Variants in RGS7 observed in about 807,000 individuals in gnomAD.
RGS7 encodes regulator of G protein signaling 7.
Under a neutral mutation model 81.1 loss-of-function variants are expected in RGS7, and 27 were observed. That is an observed-to-expected ratio of 0.33 (90% CI 0.25 to 0.46). The LOEUF (loss-of-function observed/expected upper bound fraction) is 0.46. RGS7 is among the 20% of genes least tolerant of loss of function. The pLI, the probability that RGS7 is intolerant of heterozygous loss-of-function variation, is 1.00. For synonymous variants in RGS7, 208 were observed against 207.7 expected (o/e 1.00, Z -0.01); for missense variants, 396 against 607.4 (o/e 0.65, Z 3.66).
At chr1:240,795,179 T>C (rs61832399) in intron 18 of RGS7, among the ~76,000 whole-genome samples, 104,552 of 151,858 alleles carry the variant, frequency 0.69, 36,263 homozygotes, top group African/African-American at 0.72. Flanking sequence ...AGCAAAACTC[T>C]GTCTCAAACA....
intron 2 of RGS7, among the ~76,000 whole-genome samples, chr1:241,246,238 T>C (rs533861239): frequency 1.3e-4 from 20 of 152,190 alleles, no homozygotes; most frequent in African/African-American, 4.6e-4. Context: ...AGGAAAGGTA[T>C]GTAGGCCACA....
chr1:241,173,064 A>T (rs1572984184), intron 2 of RGS7, among the ~76,000 whole-genome samples: 1 of 152,272 alleles, frequency 6.6e-6, no homozygotes, highest in Non-Finnish European at 1.5e-5. Context: ...TTTCCAAATT[A>T]TTTTCCTTGT....
intron 2 of RGS7, among the ~76,000 whole-genome samples, chr1:241,172,965 G>C (rs981426812): frequency 6.6e-6 from 1 of 152,162 alleles, no homozygotes; most frequent in Non-Finnish European, 1.5e-5. Context: ...CGAGGAATTT[G>C]CTTGGCATAA....
intron 4 of RGS7, among the ~76,000 whole-genome samples, chr1:240,944,274 GTGTGTGTGTA>G (rs1229600485): frequency 3.6e-3 from 68 of 18,776 alleles, no homozygotes; most frequent in African/African-American, 8.3e-3. Flanking sequence ...GTGTGTGTGT[GTGTGTGTGTA>G]TATATATATA....
intron 2 of RGS7, among the ~76,000 whole-genome samples, chr1:241,205,327 G>C (rs1007095728): frequency 6.7e-6 from 1 of 149,166 alleles, no homozygotes; most frequent in Non-Finnish European, 1.5e-5. Context: ...TGATCCACCC[G>C]CCTCGGCCTC....
chr1:240,974,032 C>T (rs1683689841), intron 4 of RGS7, among the ~76,000 whole-genome samples: 1 of 152,162 alleles, frequency 6.6e-6, no homozygotes, highest in South Asian at 2.1e-4. Context: ...CTTTCTTCTT[C>T]AGAAGACTTG....
intron 2 of RGS7, among the ~76,000 whole-genome samples, chr1:241,145,118 G>A (rs895431868): frequency 1.3e-4 from 19 of 151,886 alleles, no homozygotes; most frequent in Middle Eastern, 3.4e-3. Context: ...CTCAGTTCAA[G>A]CGATTCTCCT....
At chr1:241,172,571 A>G (rs1004702191) in intron 2 of RGS7, among the ~76,000 whole-genome samples, 5 of 152,168 alleles carry the variant, frequency 3.3e-5, no homozygotes, top group African/African-American at 4.8e-5. Context: ...TTGGCCTCAC[A>G]TTAGAAAGAA....
intron 3 of RGS7, among the ~76,000 whole-genome samples, chr1:241,011,597 T>G (rs1375703456): frequency 6.6e-6 from 1 of 152,144 alleles, no homozygotes; most frequent in Non-Finnish European, 1.5e-5. Flanking sequence ...AAAATGAGGC[T>G]GGGACTTGTT....
chr1:241,305,289 T>C (rs1020442150), intron 2 of RGS7, among the ~76,000 whole-genome samples: 4 of 152,238 alleles, frequency 2.6e-5, no homozygotes, highest in Admixed American at 2.0e-4. Flanking sequence ...ACACAAATTC[T>C]GAACTCCACA....
intron 2 of RGS7, among the ~76,000 whole-genome samples, chr1:241,284,856 TTTG>T (rs1439908734): frequency 1.7e-4 from 23 of 133,588 alleles, no homozygotes; most frequent in African/African-American, 6.4e-4. Flanking sequence ...TCTGTCTTTC[TTTG>T]TTTTTTTTTG....
intron 2 of RGS7, among the ~76,000 whole-genome samples, chr1:241,168,779 C>T (rs1350076869): frequency 2.6e-5 from 4 of 151,692 alleles, no homozygotes; most frequent in South Asian, 2.1e-4. Flanking sequence ...ATAGAGAGAG[C>T]GAGAGAGAGA....
intron 2 of RGS7, among the ~76,000 whole-genome samples, chr1:241,235,909 T>TGAGAGAGAGAGAGAGAGAGAGAGAGA: frequency 7.3e-6 from 1 of 137,902 alleles, no homozygotes; most frequent in Non-Finnish European, 1.6e-5. Flanking sequence ...AGATGCACTT[T>TGAGAGAGAGAGAGAGAGAGAGAGAGA]GAGAGAGAGA....
chr1:241,181,252 G>C, intron 2 of RGS7, among the ~76,000 whole-genome samples: 1 of 152,196 alleles, frequency 6.6e-6, no homozygotes, highest in Admixed American at 6.5e-5. Context: ...ATTGAAAAAA[G>C]TGTACCTCTC....
chr1:240,874,812 G>C (rs915961541), intron 6 of RGS7, among the ~76,000 whole-genome samples: 9 of 152,050 alleles, frequency 5.9e-5, no homozygotes, highest in African/African-American at 2.2e-4. Context: ...AGGCTGAGGT[G>C]GGCAGATCAC....
intron 2 of RGS7, among the ~76,000 whole-genome samples, chr1:241,135,051 A>T (rs1238760700): frequency 6.6e-6 from 1 of 152,048 alleles, no homozygotes; most frequent in Non-Finnish European, 1.5e-5. Flanking sequence ...TTTACAGAGG[A>T]CTATAAAACC....
At chr1:241,223,892 T>C (rs2075157485) in intron 2 of RGS7, among the ~76,000 whole-genome samples, 1 of 151,806 alleles carries the variant, frequency 6.6e-6, no homozygotes, top group African/African-American at 2.4e-5. Context: ...TTCATTGAAA[T>C]GTGCAGGTAC....
intron 2 of RGS7, among the ~76,000 whole-genome samples, chr1:241,188,717 G>A (rs535107804): frequency 2.1e-3 from 320 of 152,180 alleles, no homozygotes; most frequent in Non-Finnish European, 3.3e-3. Context: ...GACTTCTATG[G>A]TCAATGGTTC....
intron 2 of RGS7, among the ~76,000 whole-genome samples, chr1:241,275,377 G>A (rs888983068): frequency 6.6e-6 from 1 of 152,184 alleles, no homozygotes; most frequent in African/African-American, 2.4e-5. Flanking sequence ...TGTGCAATGA[G>A]TCATTTTCAT....
Sources: allele counts gnomAD v4.1 joint callset (sites outside exome capture counted in the v4.1 genomes callset), GRCh38; gene constraint gnomAD v4.1.1; transcripts MANE v1.5; gene names NCBI Gene and HGNC (gene_info 2026-07-23, HGNC 2026-07-21).